GPR45: variants seen among roughly 807,000 people sequenced by gnomAD.
The protein encoded by GPR45 is probable G protein-coupled receptor 45.
In GPR45, 7 loss-of-function variants were observed where a neutral mutation model predicts 5.9. The observed-to-expected ratio is 1.19, with a 90% CI of 0.68 to 2.23. GPR45 has a LOEUF of 2.23. GPR45 is among the 30% of genes most tolerant of loss of function. The probability of loss-of-function intolerance (pLI) is 0.00; values close to 1 mark genes in which losing one functional copy is unlikely to be tolerated. For synonymous variants in GPR45, 220 were observed against 226.3 expected (o/e 0.97, Z 0.25); for missense variants, 440 against 496.9 (o/e 0.89, Z 1.09).
Position 105,242,039 on chromosome 2 carries a change from C to G in GPR45, c.181C>G (p.Gln61Glu). Residue 61 changes from glutamine to glutamate, a missense_variant, in exon 1 of 1, where the codon CAG becomes GAG. Coordinates refer to ENST00000258456, the MANE Select transcript of GPR45 (RefSeq NM_007227.3). The surrounding 1 kb of genome is among the most constrained non-coding windows in gnomAD (Gnocchi z 4.8). Reference sequence around the variant, plus strand: ...CACTGTGGTCTGCATCATCGTGTACCAGAGGCCGGCTATGCGCTCGGCCAT... The same window carrying G: ...CACTGTGGTCTGCATCATCGTGTACGAGAGGCCGGCTATGCGCTCGGCCAT... ...GNTVVCIIVYQRPAMRSAINL... is the reference protein window; with the variant it reads ...GNTVVCIIVYERPAMRSAINL... 1 of 1,614,126 alleles carries G rather than the reference C, an allele frequency of 6.2e-7. No homozygotes were observed. The highest frequency in any genetic ancestry group is 8.5e-7 in the Non-Finnish European group (1 of 1,179,996).
rs765340371 is a variant in GPR45, at chr2:105,241,941, A to C, written c.83A>C (p.Gln28Pro). The C allele has an allele frequency of 1.2e-6, 2 of 1,612,324 alleles. No individual in the cohort carries two copies. Among genetic ancestry groups the C allele is most frequent in the South Asian group, 1.1e-5 (1 of 90,964 alleles). ...TSNASDSGST[Q>P]LPAPLRISLA... ...AACGCCTCAGACTCGGGGTCCACCC[A>C]GTTGCCCGCACCCCTCAGGATCTCC... The change falls in exon 1 of 1, where the codon CAG (glutamine) becomes CCG (proline). Residue 28 changes from glutamine to proline, a missense_variant. Transcript: ENST00000258456.
Position 105,241,764 on chromosome 2 carries a change from G to A in GPR45, c.-95G>A. 1.4e-6 allele frequency: 2 copies of A among 1,381,498 alleles called. No individual in the cohort carries two copies. Among genetic ancestry groups the A allele is most frequent in the South Asian group, 1.4e-5 (1 of 70,164 alleles). The allele number at this position is 1,381,498 out of a possible 1,614,324, so 85.6% of individuals were successfully genotyped here. ...GCCCCAGAGGTCCACAGACATCCAGGAAGATGCAGCCAGCAGACAAAGAAT... is the reference window on the plus strand; with the variant it reads ...GCCCCAGAGGTCCACAGACATCCAGAAAGATGCAGCCAGCAGACAAAGAAT... On this transcript the variant is annotated 5_prime_UTR_variant, in exon 1 of 1. Transcript: ENST00000258456.
At position 105,241,930 on chromosome 2, in the gene GPR45, G is replaced by A. The variant is rs375972641; in HGVS notation, c.72G>A (p.Ser24=). 76 of 1,609,510 alleles carry A rather than the reference G, an allele frequency of 4.7e-5. No individual in the cohort carries two copies. Among genetic ancestry groups the A allele is most frequent in the Non-Finnish European group, 6.3e-5 (74 of 1,176,958 alleles). ...TGAACACCAGCAACGCCTCAGACTC[G>A]GGGTCCACCCAGTTGCCCGCACCCC... The part of the protein sequence containing the change: ...LLLNTSNASD[S]GSTQLPAPLR... The change falls in exon 1 of 1, where the codon TCG becomes TCA. Residue 24 remains serine, a synonymous_variant. Coordinates refer to ENST00000258456, the MANE Select transcript of GPR45 (RefSeq NM_007227.3).
chr2:105,242,526 G>A lies in GPR45; in HGVS notation c.668G>A (p.Arg223His), dbSNP rs1256576888. ...CAYMCILNTV[R>H]KNAVRVHNQS... ...TACATGTGCATCCTCAACACGGTCC[G>A]CAAGAACGCCGTGCGCGTGCACAAC... The change falls in exon 1 of 1, where the codon CGC becomes CAC. Residue 223 changes from arginine (R) to histidine (H), a missense_variant. Physicochemically the swap from Arg to His is conservative, Grantham distance 29. Transcript: ENST00000258456. This position sits in a 1 kb window ranked among gnomAD's most constrained non-coding sequence, Gnocchi z 4.8. 6.2e-7 allele frequency: 1 copy of A among 1,606,376 alleles called. No individual in the cohort carries two copies. The highest frequency in any genetic ancestry group is 1.1e-5 in the South Asian group (1 of 91,086).
Position 105,242,236 on chromosome 2 carries a change from C to G in GPR45, c.378C>G (p.Leu126=). Residue 126 remains leucine, a synonymous_variant, in exon 1 of 1, where the codon CTC becomes CTG. Coordinates refer to ENST00000258456, the MANE Select transcript of GPR45 (RefSeq NM_007227.3). The surrounding 1 kb of genome is among the most constrained non-coding windows in gnomAD (Gnocchi z 4.8). ...TCCTGGAGGGCGTGGCCATCCTGCTCATCATCAGCGTGGACCGCTTCCTCA... is the reference window on the plus strand; with the variant it reads ...TCCTGGAGGGCGTGGCCATCCTGCTGATCATCAGCGTGGACCGCTTCCTCA... The part of the protein sequence containing the change: ...FFVLEGVAIL[L]IISVDRFLII... 1 of 1,614,186 alleles carries G rather than the reference C, an allele frequency of 6.2e-7. No individual in the cohort carries two copies. The highest frequency in any genetic ancestry group is 8.5e-7 in the Non-Finnish European group (1 of 1,180,036).
rs757834636 is a variant in GPR45 at position 105,242,253 on chromosome 2, G to C, written c.395G>C (p.Arg132Pro). The C allele has an allele frequency of 6.2e-7, 1 of 1,614,054 alleles. No homozygotes were observed. Among genetic ancestry groups the C allele is most frequent in the South Asian group, 1.1e-5 (1 of 91,074 alleles). Residue 132 changes from arginine to proline, a missense_variant, in exon 1 of 1, where the codon CGC (arginine) becomes CCC (proline). Physicochemically the swap from Arg to Pro is moderately radical, Grantham distance 103. Transcript: ENST00000258456. The surrounding 1 kb of genome is among the most constrained non-coding windows in gnomAD (Gnocchi z 4.8). ...ATCCTGCTCATCATCAGCGTGGACC[G>C]CTTCCTCATCATCGTCCAGCGCCAG... ...VAILLIISVD[R>P]FLIIVQRQDK...
In GPR45 at chr2:105,241,854, C is replaced by T. The variant is rs1269592867; in HGVS notation, c.-5C>T. 2 of 1,551,984 alleles carry T rather than the reference C, an allele frequency of 1.3e-6. No homozygotes were observed. Among genetic ancestry groups the T allele is most frequent in the Non-Finnish European group, 1.7e-6 (2 of 1,144,148 alleles). ...TTCTGTCCCAGCTCCAAGGGTCTCT[C>T]CACGATGGCCTGCAACAGCACGTCC... is the stretch of plus-strand genomic sequence containing the variant. On this transcript the variant is annotated 5_prime_UTR_variant, in exon 1 of 1. Coordinates refer to ENST00000258456, the MANE Select transcript of GPR45 (RefSeq NM_007227.3).
At position 105,241,994 on chromosome 2, in the gene GPR45, G is replaced by A. The variant is rs768136880; in HGVS notation, c.136G>A (p.Val46Met). The change falls in exon 1 of 1, where the codon GTG (valine) becomes ATG (methionine). Residue 46 changes from valine to methionine, a missense_variant. Coordinates refer to ENST00000258456, the MANE Select transcript of GPR45 (RefSeq NM_007227.3). ...GGCCATAGTGATGCTGCTGATGACC[G>A]TGGTGGGGTTCCTGGGCAACACTGT... The part of the protein sequence containing the change: ...SLAIVMLLMT[V>M]VGFLGNTVVC... 6.2e-6 allele frequency: 10 copies of A among 1,613,776 alleles called. No homozygotes were observed. The highest frequency in any genetic ancestry group is 1.3e-5 in the African/African-American group (1 of 75,046).
At position 105,242,537 on chromosome 2, in the gene GPR45, G is replaced by A; in HGVS notation, c.679G>A (p.Val227Met). The A allele has an allele frequency of 4.4e-6, 7 of 1,607,504 alleles. No individual in the cohort carries two copies. The highest frequency in any genetic ancestry group is 5.9e-6 in the Non-Finnish European group (7 of 1,179,892). Residue 227 changes from valine to methionine, a missense_variant, in exon 1 of 1, where the codon GTG becomes ATG. Val to Met is a conservative substitution (Grantham distance 21). Transcript: ENST00000258456. The surrounding 1 kb of genome is among the most constrained non-coding windows in gnomAD (Gnocchi z 4.8). ...CILNTVRKNA[V>M]RVHNQSDSLD... ...CCTCAACACGGTCCGCAAGAACGCC[G>A]TGCGCGTGCACAACCAGTCGGACAG...
rs934984070 is a variant in GPR45, at chr2:105,242,627, G to T, written c.769G>T (p.Val257Leu). ...CCTGCAGCGGCAGCAACAGGTCAGC[G>T]TGGACTTGAGCTTCAAGACCAAGGC... ...RRLQRQQQVS[V>L]DLSFKTKAFT... is the part of the protein sequence containing the mutation. The change falls in exon 1 of 1, where the codon GTG becomes TTG. Residue 257 changes from valine to leucine, a missense_variant. By Grantham distance (32) the Val-to-Leu change is conservative. Coordinates refer to ENST00000258456, the MANE Select transcript of GPR45 (RefSeq NM_007227.3). This position sits in a 1 kb window ranked among gnomAD's most constrained non-coding sequence, Gnocchi z 4.8. The T allele has an allele frequency of 3.7e-6, 6 of 1,604,988 alleles. No individual in the cohort carries two copies. The African/African-American group carries it at 8.0e-5, about 21-fold the overall frequency.
chr2:105,243,405 C>T lies in GPR45; in HGVS notation c.*428C>T, dbSNP rs1676388668. On this transcript the variant is annotated 3_prime_UTR_variant, in exon 1 of 1. Coordinates refer to ENST00000258456, the MANE Select transcript of GPR45 (RefSeq NM_007227.3). ...CCTGAGAAACCCCAGTAGGTGTGAG[C>T]TCCTGGGTGTTCATTCATTTTGTTT... is the stretch of plus-strand genomic sequence containing the variant. Among the ~76,000 whole-genome samples the T allele has an allele frequency of 6.6e-6, 1 of 152,162 alleles. No individual in the cohort carries two copies. The highest frequency in any genetic ancestry group is 2.4e-5 in the African/African-American group (1 of 41,438).
Position 105,242,385 on chromosome 2 carries a change from C to G in GPR45, c.527C>G (p.Pro176Arg), listed in dbSNP as rs374437830. 1.2e-6 allele frequency: 2 copies of G among 1,612,170 alleles called. No homozygotes were observed. Among genetic ancestry groups the G allele is most frequent in the Non-Finnish European group, 1.7e-6 (2 of 1,179,532 alleles). Residue 176 changes from proline to arginine, a missense_variant, in exon 1 of 1, where the codon CCG (proline) becomes CGG (arginine). By Grantham distance (103) the Pro-to-Arg change is moderately radical (BLOSUM62 -2). Transcript: ENST00000258456. This position sits in a 1 kb window ranked among gnomAD's most constrained non-coding sequence, Gnocchi z 4.8. Reference sequence around the variant, plus strand: ...ACGGGCTGGACGCTGGTGGAGGTGCCGGCGCGGGCCCCACAGTGCGTGCTG... The same window carrying G: ...ACGGGCTGGACGCTGGTGGAGGTGCGGGCGCGGGCCCCACAGTGCGTGCTG... Reference protein sequence around the residue: ...SLTGWTLVEVPARAPQCVLGY... With the variant: ...SLTGWTLVEVRARAPQCVLGY...
rs1676362224 is a variant in GPR45 at position 105,242,030 on chromosome 2, A to T, written c.172A>T (p.Ile58Phe). Residue 58 changes from isoleucine to phenylalanine, a missense_variant, in exon 1 of 1, where the codon ATC becomes TTC. By Grantham distance (21) the Ile-to-Phe change is conservative. Coordinates refer to ENST00000258456, the MANE Select transcript of GPR45 (RefSeq NM_007227.3). This position sits in a 1 kb window ranked among gnomAD's most constrained non-coding sequence, Gnocchi z 4.8. Reference sequence around the variant, plus strand: ...CCTGGGCAACACTGTGGTCTGCATCATCGTGTACCAGAGGCCGGCTATGCG... The same window carrying T: ...CCTGGGCAACACTGTGGTCTGCATCTTCGTGTACCAGAGGCCGGCTATGCG... ...GFLGNTVVCI[I>F]VYQRPAMRSA... The T allele has an allele frequency of 6.2e-7, 1 of 1,613,980 alleles. No homozygotes were observed. The highest frequency in any genetic ancestry group is 1.3e-5 in the African/African-American group (1 of 74,918).
chr2:105,243,050 G>C lies in GPR45; in HGVS notation c.*73G>C. Reference sequence around the variant, plus strand: ...GTGGATCTGTCCTGCTCTGTTCCCTGGCATGTTGGTCATAGTCTGCACTTT... The same window carrying C: ...GTGGATCTGTCCTGCTCTGTTCCCTCGCATGTTGGTCATAGTCTGCACTTT... On this transcript the variant is annotated 3_prime_UTR_variant, in exon 1 of 1. Coordinates refer to ENST00000258456, the MANE Select transcript of GPR45 (RefSeq NM_007227.3). 1 of 1,523,372 alleles carries C rather than the reference G, an allele frequency of 6.6e-7. No homozygotes were observed. The highest frequency in any genetic ancestry group is 8.8e-7 in the Non-Finnish European group (1 of 1,130,540). 94.4% of individuals were successfully genotyped at this position (1,523,372 alleles called of 1,614,324 possible). A position where few individuals can be genotyped will look rare whatever the true frequency, so the allele number is the denominator to read the frequency against.
At position 105,242,553 on chromosome 2, in the gene GPR45, A is replaced by G. The variant is rs1289831207; in HGVS notation, c.695A>G (p.Gln232Arg). 5 of 1,609,480 alleles carry G rather than the reference A, an allele frequency of 3.1e-6. No individual in the cohort carries two copies. Among genetic ancestry groups the G allele is most frequent in the South Asian group, 2.2e-5 (2 of 91,080 alleles). ...AAGAACGCCGTGCGCGTGCACAACC[A>G]GTCGGACAGCCTGGACCTGCGGCAG... Reference protein sequence around the residue: ...VRKNAVRVHNQSDSLDLRQLT... With the variant: ...VRKNAVRVHNRSDSLDLRQLT... Residue 232 changes from glutamine (Q) to arginine (R), a missense_variant, in exon 1 of 1, where the codon CAG (glutamine) becomes CGG (arginine). Transcript: ENST00000258456. The surrounding 1 kb of genome is among the most constrained non-coding windows in gnomAD (Gnocchi z 4.8).
rs768416385 is a variant in GPR45 at position 105,242,632 on chromosome 2, C to T, written c.774C>T (p.Asp258=). The part of the protein sequence containing the change: ...RLQRQQQVSV[D]LSFKTKAFTT... Reference sequence around the variant, plus strand: ...AGCGGCAGCAACAGGTCAGCGTGGACTTGAGCTTCAAGACCAAGGCCTTCA... The same window carrying T: ...AGCGGCAGCAACAGGTCAGCGTGGATTTGAGCTTCAAGACCAAGGCCTTCA... Residue 258 remains aspartate, a synonymous_variant, in exon 1 of 1, where the codon GAC becomes GAT. Coordinates refer to ENST00000258456, the MANE Select transcript of GPR45 (RefSeq NM_007227.3). The surrounding 1 kb of genome is among the most constrained non-coding windows in gnomAD (Gnocchi z 4.8). 6.2e-7 allele frequency: 1 copy of T among 1,603,826 alleles called. No homozygotes were observed. The highest frequency in any genetic ancestry group is 1.7e-5 in the Admixed American group (1 of 59,606).
Position 105,242,193 on chromosome 2 carries a change from C to G in GPR45, c.335C>G (p.Thr112Arg), listed in dbSNP as rs750312491. ...GACCACTTCTGCCGCCTCTCAGCCACGCTCTACTGGTTTTTTGTCCTGGAG... is the reference window on the plus strand; with the variant it reads ...GACCACTTCTGCCGCCTCTCAGCCAGGCTCTACTGGTTTTTTGTCCTGGAG... The part of the protein sequence containing the change: ...FGDHFCRLSA[T>R]LYWFFVLEGV... The change falls in exon 1 of 1, where the codon ACG becomes AGG. Residue 112 changes from threonine to arginine, a missense_variant. Coordinates refer to ENST00000258456, the MANE Select transcript of GPR45 (RefSeq NM_007227.3). This position sits in a 1 kb window ranked among gnomAD's most constrained non-coding sequence, Gnocchi z 4.8. 6.2e-7 allele frequency: 1 copy of G among 1,614,152 alleles called. No individual in the cohort carries two copies. The highest frequency in any genetic ancestry group is 8.5e-7 in the Non-Finnish European group (1 of 1,180,028).
At position 105,242,191 on chromosome 2, in the gene GPR45, C is replaced by T; in HGVS notation, c.333C>T (p.Ala111=). Residue 111 remains alanine, a synonymous_variant, in exon 1 of 1, where the codon GCC becomes GCT. Coordinates refer to ENST00000258456, the MANE Select transcript of GPR45 (RefSeq NM_007227.3). The surrounding 1 kb of genome is among the most constrained non-coding windows in gnomAD (Gnocchi z 4.8). ...GGGACCACTTCTGCCGCCTCTCAGC[C>T]ACGCTCTACTGGTTTTTTGTCCTGG... The part of the protein sequence containing the change: ...HFGDHFCRLS[A]TLYWFFVLEG... 6.2e-7 allele frequency: 1 copy of T among 1,614,146 alleles called. No individual in the cohort carries two copies. Among genetic ancestry groups the T allele is most frequent in the Non-Finnish European group, 8.5e-7 (1 of 1,180,030 alleles).
In GPR45 at chr2:105,242,668, G is replaced by C; in HGVS notation, c.810G>C (p.Leu270=). 1 of 1,599,442 alleles carries C rather than the reference G, an allele frequency of 6.3e-7. No individual in the cohort carries two copies. The highest frequency in any genetic ancestry group is 8.5e-7 in the Non-Finnish European group (1 of 1,171,610). ...SFKTKAFTTI[L]ILFVGFSLCW... is the part of the protein sequence containing the mutation. Reference sequence around the variant, plus strand: ...AGACCAAGGCCTTCACCACCATCCTGATCCTCTTCGTGGGCTTCTCCCTCT... The same window carrying C: ...AGACCAAGGCCTTCACCACCATCCTCATCCTCTTCGTGGGCTTCTCCCTCT... Residue 270 remains leucine, a synonymous_variant, in exon 1 of 1, where the codon CTG becomes CTC. Transcript: ENST00000258456. This position sits in a 1 kb window ranked among gnomAD's most constrained non-coding sequence, Gnocchi z 4.8.
Sources: allele counts gnomAD v4.1 joint callset (sites outside exome capture counted in the v4.1 genomes callset), GRCh38; gene constraint gnomAD v4.1.1; non-coding constraint Gnocchi (gnomAD v3.1); transcripts MANE v1.5; gene names NCBI Gene and HGNC (gene_info 2026-07-23, HGNC 2026-07-21).